ZFHX3: variants seen among roughly 807,000 people sequenced by gnomAD.
ZFHX3 encodes zinc finger homeobox 3.
A neutral mutation model predicts 279.1 loss-of-function variants in ZFHX3; 42 were observed. That is an observed-to-expected ratio of 0.15 (90% CI 0.12 to 0.19). ZFHX3 has a LOEUF of 0.19. ZFHX3 is among the 10% of genes least tolerant of loss of function. The probability of loss-of-function intolerance (pLI) is 1.00; values close to 1 mark genes in which losing one functional copy is unlikely to be tolerated. For missense variants in ZFHX3, 4,981 were observed against 4,754.0 expected (o/e 1.05, Z -1.40); for synonymous variants, 2,293 against 1,957.8 (o/e 1.17, Z -4.52).
chr16:73,848,404 C>T (rs1366469675), intron 1 of ZFHX3, among the ~76,000 whole-genome samples: 2 of 149,302 alleles, frequency 1.3e-5, no homozygotes, highest in African/African-American at 5.2e-5. Context: ...TAGATAAAAG[C>T]AAGAGCTGGT....
intron 2 of ZFHX3, among the ~76,000 whole-genome samples, chr16:73,529,041 A>G (rs1215796586): frequency 6.6e-6 from 1 of 152,228 alleles, no homozygotes; most frequent in Non-Finnish European, 1.5e-5. Flanking sequence ...TTTGCCAAGA[A>G]AGAGGTCACA....
chr16:72,903,541 T>A (rs1387044885), intron 3 of ZFHX3, among the ~76,000 whole-genome samples: 1 of 152,120 alleles, frequency 6.6e-6, no homozygotes. Context: ...AAGATATAGC[T>A]AGAAAACCGT....
At chr16:72,834,129 C>T (rs964517103) in intron 4 of ZFHX3, among the ~76,000 whole-genome samples, 1 of 152,116 alleles carries the variant, frequency 6.6e-6, no homozygotes, top group African/African-American at 2.4e-5. Context: ...TGCTTGTAGT[C>T]GTAGCTAACT....
chr16:72,795,763 C>T lies in ZFHX3; in HGVS notation c.6919G>A (p.Gly2307Ser). 1.2e-6 allele frequency: 2 copies of T among 1,614,184 alleles called. No individual in the cohort carries two copies. Among genetic ancestry groups the T allele is most frequent in the Non-Finnish European group, 1.7e-6 (2 of 1,180,040 alleles). ...ARKNYENQGE[G>S]KDGERRELTN... ...AGCTCACGCCGCTCTCCATCTTTGC[C>T]CTCTCCCTGATTCTCATAATTCTTC... is the stretch of plus-strand genomic sequence containing the variant. Residue 2307 changes from glycine to serine, a missense_variant, in exon 9 of 10, where the codon GGC (glycine) becomes AGC (serine). Transcript: ENST00000268489.
intron 5 of ZFHX3, among the ~76,000 whole-genome samples, chr16:73,148,044 C>T (rs1966875507): frequency 6.6e-6 from 1 of 152,210 alleles, no homozygotes; most frequent in African/African-American, 2.4e-5. Context: ...CAGAGCTTAG[C>T]AAGCTATGGC....
At chr16:73,255,802 C>T (rs1385603628) in intron 5 of ZFHX3, among the ~76,000 whole-genome samples, 1 of 152,228 alleles carries the variant, frequency 6.6e-6, no homozygotes, top group East Asian at 1.9e-4. Flanking sequence ...TAATCCTGTA[C>T]TGGCTACTGA....
chr16:73,579,566 A>T (rs552497842), intron 2 of ZFHX3, among the ~76,000 whole-genome samples: 80 of 149,660 alleles, frequency 5.3e-4, no homozygotes, highest in African/African-American at 1.9e-3. Context: ...CAGTGGCGTG[A>T]TCTTGGCTCA....
intron 3 of ZFHX3, chr16:73,400,798 C>CA (rs773714517): frequency 1.9e-4 from 29 of 152,172 alleles, no homozygotes; most frequent in Non-Finnish European, 2.9e-4. Flanking sequence ...AAAGGGATAA[C>CA]GCTGAGGAGC....
At chr16:73,364,627 TATG>T (rs2016497491) in intron 3 of ZFHX3, among the ~76,000 whole-genome samples, 1 of 152,164 alleles carries the variant, frequency 6.6e-6, no homozygotes, top group East Asian at 1.9e-4. Context: ...AGTGGCTTGG[TATG>T]ATGTCATCAC....
chr16:73,152,386 T>C (rs572077823), intron 5 of ZFHX3, among the ~76,000 whole-genome samples: 1 of 152,200 alleles, frequency 6.6e-6, no homozygotes, highest in Non-Finnish European at 1.5e-5. Flanking sequence ...TTTAAATCCA[T>C]ATTAAGTCCA....
chr16:73,153,837 T>C (rs1334428671), intron 5 of ZFHX3, among the ~76,000 whole-genome samples: 1 of 151,448 alleles, frequency 6.6e-6, no homozygotes, highest in Non-Finnish European at 1.5e-5. Flanking sequence ...TTTAGTAGAG[T>C]CGGGGTTTCA....
At chr16:73,435,135 T>A (rs1181435634) in intron 3 of ZFHX3, among the ~76,000 whole-genome samples, 8 of 152,156 alleles carry the variant, frequency 5.3e-5, no homozygotes, top group Non-Finnish European at 1.2e-4. Flanking sequence ...ATTTCCCAGG[T>A]CACACCTGCA....
chr16:72,797,719 C>T lies in ZFHX3; in HGVS notation c.4963G>A (p.Val1655Met). 1 of 1,614,120 alleles carries T rather than the reference C, an allele frequency of 6.2e-7. No individual in the cohort carries two copies. Among genetic ancestry groups the T allele is most frequent in the East Asian group, 2.2e-5 (1 of 44,874 alleles). The change falls in exon 9 of 10, where the codon GTG (valine) becomes ATG (methionine). Residue 1655 changes from valine (V) to methionine (M), a missense_variant. Around this residue, in one of 7 missense-constraint regions of ZFHX3, gnomAD observed 1,751 missense variants for 1,770.0 expected, o/e 0.99. Coordinates refer to ENST00000268489, the MANE Select transcript of ZFHX3 (RefSeq NM_006885.4). The part of the protein sequence containing the change: ...ISLSSSTPSP[V>M]STSGSNTFTT... ...AAGGTGTTACTGCCACTGGTGCTCA[C>T]AGGACTTGGCGTGGAGGAGCTCAAG...
chr16:73,022,902 C>A (rs1964356159), intron 1 of ZFHX3, among the ~76,000 whole-genome samples: 1 of 152,088 alleles, frequency 6.6e-6, no homozygotes, highest in South Asian at 2.1e-4. Context: ...GGTTTTAATA[C>A]TGATTTTTCT....
chr16:73,478,264 C>CAAA (rs1162656010), intron 2 of ZFHX3, among the ~76,000 whole-genome samples: 11 of 61,546 alleles, frequency 1.8e-4, no homozygotes, highest in African/African-American at 3.6e-4. Context: ...GACTCCATCT[C>CAAA]AAAAAAAAAA....
intron 2 of ZFHX3, among the ~76,000 whole-genome samples, chr16:73,622,294 C>T (rs1410973527): frequency 6.6e-6 from 1 of 152,196 alleles, no homozygotes; most frequent in African/African-American, 2.4e-5. Context: ...CACAGGGGCT[C>T]ACGCCTGTAA....
rs1251932221 is a variant in ZFHX3, at chr16:73,033,077, C to T, written c.-50+14675G>A. Among the ~76,000 whole-genome samples the T allele has an allele frequency of 4.6e-5, 7 of 152,122 alleles. No homozygotes were observed. In the East Asian group the frequency reaches 1.3e-3, roughly 29 times the overall value. ...CTCAAGTTTCTCCCCAAGCCTGGGC[C>T]CTCCTTGACCCCACGCGACAGGGGA... is the stretch of plus-strand genomic sequence containing the variant. On this transcript the variant is annotated intron_variant, in intron 1 of 9. Coordinates refer to ENST00000268489, the MANE Select transcript of ZFHX3 (RefSeq NM_006885.4).
chr16:73,569,607 C>T (rs1567521506), intron 2 of ZFHX3, among the ~76,000 whole-genome samples: 2 of 152,222 alleles, frequency 1.3e-5, no homozygotes, highest in East Asian at 1.9e-4. Context: ...TGAATCCACT[C>T]GGCCACAATG....
At chr16:72,809,212 A>T (rs1282396036) in intron 7 of ZFHX3, 1 of 152,270 alleles carries the variant, frequency 6.6e-6, no homozygotes, top group Non-Finnish European at 1.5e-5. Flanking sequence ...TAAACCAGTC[A>T]TGTAGATTAC....
Sources: allele counts gnomAD v4.1 joint callset (sites outside exome capture counted in the v4.1 genomes callset), GRCh38; gene constraint gnomAD v4.1.1; regional missense constraint gnomAD v4.1.1; transcripts MANE v1.5; gene names NCBI Gene and HGNC (gene_info 2026-07-23, HGNC 2026-07-21).